The following WDR27 variants were observed in gnomAD, a reference collection of about 807,000 sequenced individuals.
WDR27 encodes the protein WD repeat-containing protein 27.
Under a neutral mutation model 114.4 loss-of-function variants are expected in WDR27, and 100 were observed. That is an observed-to-expected ratio of 0.87 (90% CI 0.74 to 1.03). The LOEUF is 1.03. WDR27 is among the 50% of genes least tolerant of loss of function. WDR27 has a pLI of 0.00. For synonymous variants in WDR27, 449 were observed against 423.1 expected, an observed-to-expected ratio of 1.06 and a Z score of -0.75; for missense variants, 1,129 against 1,092.9, an observed-to-expected ratio of 1.03 and a Z score of -0.47.
At chr6:169,434,262 G>C in the WDR27 span, among the ~76,000 whole-genome samples, 1 of 152,126 alleles carries the variant, frequency 6.6e-6, no homozygotes, top group Non-Finnish European at 1.5e-5. Context: ...AGTTAATTTT[G>C]TGTAAGGTGT....
At chr6:169,697,867 T>C (rs1585243362) in intron 1 of WDR27, among the ~76,000 whole-genome samples, 1 of 152,172 alleles carries the variant, frequency 6.6e-6, no homozygotes, top group Non-Finnish European at 1.5e-5. Flanking sequence ...GACTTGGTGG[T>C]AGTGGTCCCC....
chr6:169,631,784 T>C (rs1282598067), intron 21 of WDR27, among the ~76,000 whole-genome samples: 3 of 152,198 alleles, frequency 2.0e-5, no homozygotes, highest in Non-Finnish European at 1.5e-5. Context: ...TCTGCTTCAA[T>C]GTAATTTAAC....
At chr6:169,559,643 T>C (rs1488134227) in intron 25 of WDR27, 3 of 152,182 alleles carry the variant, frequency 2.0e-5, no homozygotes, top group East Asian at 1.9e-4. Flanking sequence ...AGTTCCCGAG[T>C]GTCCATAGTA....
intron 1 of WDR27, among the ~76,000 whole-genome samples, chr6:169,697,448 A>G (rs1197742678): frequency 2.0e-5 from 3 of 152,072 alleles, no homozygotes; most frequent in Non-Finnish European, 4.4e-5. Flanking sequence ...TTTCTCCCGG[A>G]GAGTTTAGAG....
chr6:169,495,332 T>A (rs1187215437), intron 25 of WDR27, among the ~76,000 whole-genome samples: 3 of 152,132 alleles, frequency 2.0e-5, no homozygotes, highest in African/African-American at 7.2e-5. Context: ...TATACATGCT[T>A]ACATTTATAA....
chr6:169,647,655 A>G, intron 16 of WDR27, 118 bp downstream of exon 16: 2 of 976,112 alleles, frequency 2.0e-6, no homozygotes, highest in Non-Finnish European at 1.6e-6. Context: ...AACTTCAAGT[A>G]ACCAAGGTTT....
At chr6:169,624,133 G>A (rs200849443) in intron 21 of WDR27, among the ~76,000 whole-genome samples, 4 of 150,768 alleles carry the variant, frequency 2.7e-5, no homozygotes, top group East Asian at 4.0e-4. Flanking sequence ...GGTGTGTGGT[G>A]TCAGGTGTGC....
At chr6:169,632,888 TTAA>T in intron 21 of WDR27, 56 bp downstream of exon 21, 4 of 1,473,492 alleles carry the variant, frequency 2.7e-6, no homozygotes, top group Non-Finnish European at 3.7e-6. Flanking sequence ...TTTGTATCTG[TTAA>T]ATGCTTTAAG....
At chr6:169,616,001 C>T (rs182033930) in intron 21 of WDR27, among the ~76,000 whole-genome samples, 4 of 146,858 alleles carry the variant, frequency 2.7e-5, no homozygotes, top group East Asian at 2.0e-4. Flanking sequence ...AAACAGCACA[C>T]GCGAACTCTG....
chr6:169,651,183 C>CGG (rs763059214), intron 14 of WDR27, among the ~76,000 whole-genome samples: 9 of 7,726 alleles, frequency 1.2e-3, no homozygotes, highest in Non-Finnish European at 1.5e-3. Context: ...CAGTGCGGGG[C>CGG]GGGGGGGGGG....
At chr6:169,453,291 GT>G (rs1258791616), downstream of WDR27, among the ~76,000 whole-genome samples, 1 of 152,094 alleles carries the variant, frequency 6.6e-6, no homozygotes, top group Non-Finnish European at 1.5e-5. Flanking sequence ...AGACAATTAA[GT>G]TGATCCCATT....
At chr6:169,630,827 G>C (rs1816148149) in intron 21 of WDR27, among the ~76,000 whole-genome samples, 2 of 152,186 alleles carry the variant, frequency 1.3e-5, no homozygotes, top group African/African-American at 4.8e-5. Flanking sequence ...CTAGGAGGTG[G>C]AGGTTGCAGT....
At position 169,593,981 on chromosome 6, in the gene WDR27, T is replaced by C. The variant is rs183089327; in HGVS notation, c.2424+8238A>G. Among the ~76,000 whole-genome samples the C allele has an allele frequency of 3.6e-4, 55 of 152,368 alleles. No homozygotes were observed. The East Asian group carries it at 6.6e-3, about 18-fold the overall frequency. The stretch of plus-strand genomic sequence containing the variant: ...TTTATCTCTATCCATTTATTTCTTC[T>C]GATTTACTTTGTTGTTCCCTGTCTG... On this transcript the variant is annotated intron_variant, in intron 23 of 25. Coordinates refer to ENST00000448612, the MANE Select transcript of WDR27 (RefSeq NM_182552.5).
intron 13 of WDR27, among the ~76,000 whole-genome samples, chr6:169,656,910 C>CCGAGG (rs1824365371): frequency 6.6e-6 from 1 of 152,234 alleles, no homozygotes. Context: ...CCACTCCCAG[C>CCGAGG]CGAGGAGTCA....
At chr6:169,632,726 T>C (rs1203095338) in intron 21 of WDR27, among the ~76,000 whole-genome samples, 1 of 152,192 alleles carries the variant, frequency 6.6e-6, no homozygotes, top group East Asian at 1.9e-4. Context: ...TATGGGCCCA[T>C]AAAATAATCA....
chr6:169,659,319 G>C lies in WDR27; in HGVS notation c.1198-112C>G. ...GCTTCATTCTCATAGCAGCGACATC[G>C]CCCTGTCACTCCTAAAACGTTTTTA... On this transcript the variant is annotated intron_variant, in intron 11 of 25. Coordinates refer to ENST00000448612, the MANE Select transcript of WDR27 (RefSeq NM_182552.5). This position sits in a 1 kb window ranked among gnomAD's most constrained non-coding sequence, Gnocchi z 4.3. The C allele has an allele frequency of 6.4e-7, 1 of 1,557,128 alleles. No individual in the cohort carries two copies. Among genetic ancestry groups the C allele is most frequent in the Non-Finnish European group, 8.7e-7 (1 of 1,144,622 alleles).
chr6:169,622,292 C>T (rs189489724), intron 21 of WDR27, among the ~76,000 whole-genome samples: 210 of 152,290 alleles, frequency 1.4e-3, no homozygotes, highest in Admixed American at 2.5e-3. Context: ...GGGCAAATGT[C>T]GTCAGGACCT....
In WDR27 at chr6:169,667,130, A is replaced by C. The variant is rs1828047066; in HGVS notation, c.712+6T>G. ...TTTACAGAAAACATGAAAGTTTTAA[A>C]TTTACCTGATAACACAGATGAACTG... On this transcript the variant is annotated splice_donor_region_variant and intron_variant, in intron 6 of 25. Transcript: ENST00000448612. The C allele has an allele frequency of 6.6e-7, 1 of 1,516,094 alleles. No individual in the cohort carries two copies. The highest frequency in any genetic ancestry group is 1.3e-5 in the South Asian group (1 of 74,230). The allele number at this position is 1,516,094 out of a possible 1,614,324, so 93.9% of individuals were successfully genotyped here.
chr6:169,641,564 C>T (rs571035467), intron 17 of WDR27, among the ~76,000 whole-genome samples: 2 of 152,278 alleles, frequency 1.3e-5, no homozygotes, highest in South Asian at 4.1e-4. Context: ...GACATGGACC[C>T]CGCGCTGGGG....
Sources: allele counts gnomAD v4.1 joint callset (sites outside exome capture counted in the v4.1 genomes callset), GRCh38; gene constraint gnomAD v4.1.1; non-coding constraint Gnocchi (gnomAD v3.1); transcripts MANE v1.5; gene names NCBI Gene and HGNC (gene_info 2026-07-23, HGNC 2026-07-21).